TMEM150C: variants seen among roughly 807,000 people sequenced by gnomAD.
The protein encoded by TMEM150C is transmembrane protein 150C.
In TMEM150C, 10 loss-of-function variants were observed where a neutral mutation model predicts 29.9. The observed-to-expected ratio is 0.33, with a 90% CI of 0.21 to 0.57. The LOEUF (loss-of-function observed/expected upper bound fraction) is 0.57, where lower values mean the gene tolerates loss of function less well. Among genes scored for constraint, TMEM150C ranks in the 20% least tolerant of loss-of-function variants. The pLI is 0.88. For missense variants in TMEM150C, 251 were observed against 303.6 expected, an observed-to-expected ratio of 0.83 and a Z score of 1.29; for synonymous variants, 101 against 112.5, an observed-to-expected ratio of 0.90 and a Z score of 0.64.
intron 1 of TMEM150C, among the ~76,000 whole-genome samples, chr4:82,537,874 G>A (rs1437522892): frequency 6.6e-6 from 1 of 152,142 alleles, no homozygotes; most frequent in Non-Finnish European, 1.5e-5. Context: ...TAGGAGCAGG[G>A]CGCTGCTGAC....
intron 1 of TMEM150C, among the ~76,000 whole-genome samples, chr4:82,532,523 A>C (rs1255971758): frequency 6.6e-6 from 1 of 152,188 alleles, no homozygotes; most frequent in Non-Finnish European, 1.5e-5. Flanking sequence ...AGAAAATTAA[A>C]ATATCAAGTG....
intron 1 of TMEM150C, among the ~76,000 whole-genome samples, chr4:82,554,480 A>T (rs1410087762): frequency 6.6e-6 from 1 of 152,190 alleles, no homozygotes; most frequent in East Asian, 1.9e-4. Flanking sequence ...AGCACAGTTT[A>T]AAAAATATAT....
At chr4:82,520,630 A>G (rs1180375568) in intron 1 of TMEM150C, among the ~76,000 whole-genome samples, 2 of 152,222 alleles carry the variant, frequency 1.3e-5, no homozygotes, top group African/African-American at 4.8e-5. Flanking sequence ...ATGGTAGTTC[A>G]CGCCTGTTAT....
chr4:82,493,198 T>G (rs2110064255), intron 6 of TMEM150C, among the ~76,000 whole-genome samples: 1 of 152,044 alleles, frequency 6.6e-6, no homozygotes, highest in South Asian at 2.1e-4. Flanking sequence ...TTTTTTCTAT[T>G]GTTTTTGGCT....
At chr4:82,555,937 A>G (rs904078345) in intron 1 of TMEM150C, among the ~76,000 whole-genome samples, 5 of 152,228 alleles carry the variant, frequency 3.3e-5, no homozygotes, top group Admixed American at 2.6e-4. Context: ...TTTCATAGGC[A>G]ATATTTTACA....
intron 6 of TMEM150C, chr4:82,491,661 A>T: frequency 2.0e-6 from 1 of 509,380 alleles, no homozygotes; most frequent in South Asian, 2.8e-5. Context: ...GAGAGCGCTA[A>T]TTTTTTATTT....
intron 1 of TMEM150C, among the ~76,000 whole-genome samples, chr4:82,553,352 C>T (rs1346546784): frequency 6.6e-6 from 1 of 152,168 alleles, no homozygotes; most frequent in Non-Finnish European, 1.5e-5. Context: ...CGGATGAAAC[C>T]GAAGTAAGCC....
chr4:82,527,057 C>T (rs754379682), intron 1 of TMEM150C, among the ~76,000 whole-genome samples: 1 of 141,610 alleles, frequency 7.1e-6, no homozygotes, highest in Non-Finnish European at 1.5e-5. Context: ...AAATAATTGC[C>T]CATATCTCCT....
intron 1 of TMEM150C, among the ~76,000 whole-genome samples, chr4:82,519,289 C>T (rs906151926): frequency 3.3e-5 from 5 of 152,188 alleles, no homozygotes; most frequent in Non-Finnish European, 5.9e-5. Flanking sequence ...GCTTTAGCCC[C>T]ATGGTGAATG....
chr4:82,504,898 C>A (rs569598829), intron 1 of TMEM150C, among the ~76,000 whole-genome samples: 1 of 152,002 alleles, frequency 6.6e-6, no homozygotes, highest in Non-Finnish European at 1.5e-5. Context: ...GGCGTGGTGG[C>A]GGGCGCCTGT....
At chr4:82,549,658 T>G (rs1177196104) in intron 1 of TMEM150C, among the ~76,000 whole-genome samples, 2 of 152,222 alleles carry the variant, frequency 1.3e-5, no homozygotes, top group African/African-American at 2.4e-5. Context: ...GTAATTAAAA[T>G]TTAAAAAGGA....
At chr4:82,558,999 GT>G (rs1423153550) in intron 1 of TMEM150C, among the ~76,000 whole-genome samples, 3 of 151,886 alleles carry the variant, frequency 2.0e-5, no homozygotes, top group Non-Finnish European at 4.4e-5. Flanking sequence ...AAGGTTCTTT[GT>G]AATTTCCCCA....
chr4:82,546,718 C>G (rs1455332020), intron 1 of TMEM150C, among the ~76,000 whole-genome samples: 3 of 152,016 alleles, frequency 2.0e-5, no homozygotes, highest in Admixed American at 2.0e-4. Context: ...GTCCCAGCTA[C>G]TTGGGAGGCT....
At chr4:82,491,084 A>AG in intron 6 of TMEM150C, 2 of 710,684 alleles carry the variant, frequency 2.8e-6, no homozygotes. Context: ...TAATGCAGCA[A>AG]GAGACCCCCA....
chr4:82,537,364 A>T (rs1725045566), intron 1 of TMEM150C, among the ~76,000 whole-genome samples: 1 of 152,242 alleles, frequency 6.6e-6, no homozygotes, highest in Non-Finnish European at 1.5e-5. Context: ...TATATTTTTT[A>T]AAATGGTAAT....
At chr4:82,509,307 G>T (rs1724041275) in intron 1 of TMEM150C, among the ~76,000 whole-genome samples, 1 of 152,168 alleles carries the variant, frequency 6.6e-6, no homozygotes, top group Non-Finnish European at 1.5e-5. Flanking sequence ...GTAGCATGAG[G>T]TCTGCAGAGG....
chr4:82,504,060 C>T (rs1222426850), intron 2 of TMEM150C, among the ~76,000 whole-genome samples: 3 of 152,202 alleles, frequency 2.0e-5, no homozygotes, highest in East Asian at 1.9e-4. Flanking sequence ...TCTTCACCAC[C>T]GGCTTTGCAT....
chr4:82,485,755 G>A (rs770629463), intron 7 of TMEM150C, 36 bp from the exon 8 acceptor site: 8 of 1,549,220 alleles, frequency 5.2e-6, no homozygotes, highest in Non-Finnish European at 7.0e-6. Flanking sequence ...ACCCTCATCA[G>A]CCACATTAAA....
At chr4:82,537,087 T>C (rs1359280922) in intron 1 of TMEM150C, among the ~76,000 whole-genome samples, 1 of 152,134 alleles carries the variant, frequency 6.6e-6, no homozygotes, top group Non-Finnish European at 1.5e-5. Context: ...GTTCACACCA[T>C]TCTCCTGCCT....
Sources: gnomAD v4.1 joint callset for allele counts (sites outside exome capture counted in the v4.1 genomes callset) on GRCh38, gnomAD v4.1.1 for gene constraint, MANE v1.5 for transcripts, NCBI Gene and HGNC (gene_info 2026-07-23, HGNC 2026-07-21) for gene names.